The following CTH variants were observed in gnomAD, a reference collection of about 807,000 sequenced individuals.
CTH encodes the protein cystathionine gamma-lyase.
A neutral mutation model predicts 50.6 loss-of-function variants in CTH; 41 were observed. That is an observed-to-expected ratio of 0.81 (90% CI 0.63 to 1.05). CTH has a LOEUF of 1.05. CTH is among the 50% of genes least tolerant of loss of function. The pLI is 0.00. For synonymous variants in CTH, 156 were observed against 168.9 expected, an observed-to-expected ratio of 0.92 and a Z score of 0.59; for missense variants, 470 against 492.6, an observed-to-expected ratio of 0.95 and a Z score of 0.43.
At chr1:70,419,522 GGT>G (rs1684166839) in intron 3 of CTH, among the ~76,000 whole-genome samples, 1 of 152,116 alleles carries the variant, frequency 6.6e-6, no homozygotes, top group South Asian at 2.1e-4. Flanking sequence ...CATTCTAACT[GGT>G]GTGAGATGGT....
At chr1:70,428,545 CT>C (rs1420913282) in intron 5 of CTH, among the ~76,000 whole-genome samples, 1 of 152,106 alleles carries the variant, frequency 6.6e-6, no homozygotes, top group Non-Finnish European at 1.5e-5. Flanking sequence ...AAAGAAAACA[CT>C]TTTAAAAATT....
At chr1:70,430,651 C>G (rs1285801719) in intron 7 of CTH, among the ~76,000 whole-genome samples, 2 of 151,612 alleles carry the variant, frequency 1.3e-5, no homozygotes, top group Non-Finnish European at 2.9e-5. Context: ...AAGCGATTCT[C>G]CTGCCTCAGC....
At chr1:70,418,071 T>TACAAG in intron 3 of CTH, 39 bp downstream of exon 3, 2 of 1,594,048 alleles carry the variant, frequency 1.3e-6, no homozygotes, top group Non-Finnish European at 1.7e-6. Flanking sequence ...TAAACTTGTA[T>TACAAG]TTTACAGATA....
chr1:70,418,207 A>C (rs1684135761), intron 3 of CTH, among the ~76,000 whole-genome samples, 175 bp downstream of exon 3: 1 of 152,140 alleles, frequency 6.6e-6, no homozygotes, highest in South Asian at 2.1e-4. Context: ...ATAAACACTT[A>C]GGGTCCATGT....
In CTH at chr1:70,424,364, A is replaced by C. The variant is rs754981024; in HGVS notation, c.536A>C (p.His179Pro). 2 of 1,614,180 alleles carry C rather than the reference A, an allele frequency of 1.2e-6. No individual in the cohort carries two copies. Among genetic ancestry groups the C allele is most frequent in the African/African-American group, 2.7e-5 (2 of 75,066 alleles). Residue 179 changes from histidine to proline, a missense_variant, in exon 5 of 12, where the codon CAT becomes CCT. Physicochemically the swap from His to Pro is moderately conservative, Grantham distance 77 (BLOSUM62 -2). Transcript: ENST00000370938. ...IEGCAHIVHK[H>P]GDIILVVDNT... ...GGCTGTGCACATATTGTCCATAAGC[A>C]TGGAGACATTATTTTGGTCGTGGAT...
At chr1:70,438,953 T>C (rs1684660465) in intron 11 of CTH, 127 bp downstream of exon 11, 1 of 1,583,286 alleles carries the variant, frequency 6.3e-7, no homozygotes. Flanking sequence ...GTTCCTGTAA[T>C]AGACCAGGTG....
At chr1:70,411,795 T>C in intron 1 of CTH, 1 of 658,786 alleles carries the variant, frequency 1.5e-6, no homozygotes, top group Non-Finnish European at 1.9e-6. Context: ...GAAGGAGCCG[T>C]TTGTCCAGCT....
intron 3 of CTH, among the ~76,000 whole-genome samples, chr1:70,419,423 AGT>A (rs1427630039): frequency 6.6e-6 from 1 of 152,222 alleles, no homozygotes; most frequent in African/African-American, 2.4e-5. Context: ...TGGTTGAACT[AGT>A]TTACAGTCCC....
chr1:70,414,699 T>C (rs908673992), intron 1 of CTH, among the ~76,000 whole-genome samples: 2 of 152,190 alleles, frequency 1.3e-5, no homozygotes, highest in African/African-American at 4.8e-5. Context: ...CAATCCGGTT[T>C]TGACACTCCC....
At chr1:70,424,561 T>C in intron 5 of CTH, 145 bp downstream of exon 5, 5 of 1,367,254 alleles carry the variant, frequency 3.7e-6, no homozygotes, top group Non-Finnish European at 5.0e-6. Flanking sequence ...AGAATTAAAT[T>C]TGGACCTCTT....
At chr1:70,438,644 T>C (rs750553951) in intron 10 of CTH, 44 bp from the exon 11 acceptor site, 1 of 1,611,564 alleles carries the variant, frequency 6.2e-7, no homozygotes, top group Admixed American at 1.7e-5. Flanking sequence ...ATGCCTCCAC[T>C]GACACAATAT....
chr1:70,430,699 G>T (rs1166568697), intron 7 of CTH, among the ~76,000 whole-genome samples: 3 of 151,592 alleles, frequency 2.0e-5, no homozygotes, highest in Admixed American at 6.6e-5. Context: ...CCACCACCAT[G>T]CCCAGCTAAT....
At chr1:70,417,251 T>A (rs1433333977) in intron 2 of CTH, among the ~76,000 whole-genome samples, 1 of 152,074 alleles carries the variant, frequency 6.6e-6, no homozygotes, top group African/African-American at 2.4e-5. Context: ...ATGAATCATA[T>A]CTTTGCTCTA....
chr1:70,432,380 C>A, intron 8 of CTH, 145 bp downstream of exon 8: 5 of 984,120 alleles, frequency 5.1e-6, no homozygotes, highest in Non-Finnish European at 7.6e-6. Context: ...ATGTGTCAGG[C>A]TCTGTGGTGG....
chr1:70,436,842 C>T (rs566988643), intron 10 of CTH, among the ~76,000 whole-genome samples: 1 of 152,116 alleles, frequency 6.6e-6, no homozygotes, highest in Admixed American at 6.5e-5. Context: ...CGTTAAGACT[C>T]TCTTGTTTAA....
Position 70,424,358 on chromosome 1 carries a change from A to G in CTH, c.530A>G (p.His177Arg). 2 of 1,614,190 alleles carry G rather than the reference A, an allele frequency of 1.2e-6. No homozygotes were observed. The highest frequency in any genetic ancestry group is 1.6e-4 in the Middle Eastern group (1 of 6,062). ...IDIEGCAHIVHKHGDIILVVD... is the reference protein window; with the variant it reads ...IDIEGCAHIVRKHGDIILVVD... The stretch of plus-strand genomic sequence containing the variant: ...ATTGAAGGCTGTGCACATATTGTCC[A>G]TAAGCATGGAGACATTATTTTGGTC... The change falls in exon 5 of 12, where the codon CAT becomes CGT. Residue 177 changes from histidine to arginine, a missense_variant. Transcript: ENST00000370938.
rs78730230 is a variant in CTH, at chr1:70,425,897, A to G, written c.588+1481A>G. Among the ~76,000 whole-genome samples the G allele has an allele frequency of 9.5e-3, 1,446 of 152,160 alleles. 9 individuals carry two copies. Among genetic ancestry groups the G allele is most frequent in the Non-Finnish European group, 0.013 (887 of 67,980 alleles). ...CAACATTTGGGGATTACAACTCAAC[A>G]TGAGATTTGGTGGCGACACAGATCC... On this transcript the variant is annotated intron_variant, in intron 5 of 11. Coordinates refer to ENST00000370938, the MANE Select transcript of CTH (RefSeq NM_001902.6).
Position 70,418,036 on chromosome 1 carries a change from G to A in CTH, c.346+4G>A. The A allele has an allele frequency of 6.2e-7, 1 of 1,613,904 alleles. No individual in the cohort carries two copies. ...TGTATGGATGATGTGTATGGAGGTAGGTGACCCCTCTCATTTATATTCTGT... is the reference window on the plus strand; with the variant it reads ...TGTATGGATGATGTGTATGGAGGTAAGTGACCCCTCTCATTTATATTCTGT... On this transcript the variant is annotated splice_donor_region_variant and intron_variant, in intron 3 of 11. Transcript: ENST00000370938.
chr1:70,437,870 T>G (rs1684630821), intron 10 of CTH, among the ~76,000 whole-genome samples: 1 of 152,208 alleles, frequency 6.6e-6, no homozygotes, highest in South Asian at 2.1e-4. Flanking sequence ...AGTAAGATGC[T>G]AAACCTCTCC....
Sources: gnomAD v4.1 joint callset for allele counts (sites outside exome capture counted in the v4.1 genomes callset) on GRCh38, gnomAD v4.1.1 for gene constraint, MANE v1.5 for transcripts, NCBI Gene and HGNC (gene_info 2026-07-23, HGNC 2026-07-21) for gene names.